FAM107B: variants seen among roughly 807,000 people sequenced by gnomAD.
The protein encoded by FAM107B is protein FAM107B.
In FAM107B, 21 loss-of-function variants were observed where a neutral mutation model predicts 31.5. That is an observed-to-expected ratio of 0.67 (90% CI 0.47 to 0.96). The LOEUF is 0.96. FAM107B is among the 40% of genes least tolerant of loss of function. The pLI, the probability that FAM107B is intolerant of heterozygous loss-of-function variation, is 0.00. For synonymous variants in FAM107B, 157 were observed against 141.5 expected (o/e 1.11, Z -0.78); for missense variants, 452 against 377.1 (o/e 1.20, Z -1.64).
intron 1 of FAM107B, among the ~76,000 whole-genome samples, chr10:14,708,537 T>C (rs576873651): frequency 7.2e-5 from 11 of 152,196 alleles, no homozygotes; most frequent in East Asian, 3.9e-4. Flanking sequence ...TTGAGACCAG[T>C]GGTAAAGTGA....
intron 2 of FAM107B, among the ~76,000 whole-genome samples, chr10:14,535,743 G>A (rs1358112293): frequency 2.6e-5 from 4 of 152,194 alleles, no homozygotes; most frequent in Non-Finnish European, 5.9e-5. Context: ...TTTTCAAGCT[G>A]TTGAGTAATA....
chr10:14,705,253 A>G (rs1408358937), intron 1 of FAM107B, among the ~76,000 whole-genome samples: 1 of 152,206 alleles, frequency 6.6e-6, no homozygotes. Flanking sequence ...GAACCCTTGT[A>G]CACTGCTGGG....
At chr10:14,725,856 T>C (rs927075834) in intron 1 of FAM107B, among the ~76,000 whole-genome samples, 34 of 137,072 alleles carry the variant, frequency 2.5e-4, no homozygotes, top group Non-Finnish European at 5.0e-4. Context: ...AATGGAGTCT[T>C]GCTCTGTTGC....
intron 1 of FAM107B, among the ~76,000 whole-genome samples, chr10:14,710,732 T>G (rs546519232): frequency 6.6e-6 from 1 of 152,168 alleles, no homozygotes; most frequent in East Asian, 1.9e-4. Context: ...AAAAATAAAT[T>G]TTTTTAAAAA....
At chr10:14,619,125 G>A (rs1238776136) in intron 2 of FAM107B, among the ~76,000 whole-genome samples, 1 of 152,178 alleles carries the variant, frequency 6.6e-6, no homozygotes, top group East Asian at 1.9e-4. Flanking sequence ...AGCACCGCCT[G>A]TAGATCCCTT....
rs10651238 is a variant in FAM107B, at chr10:14,772,362, A to AAAATATATATAT, written c.411+1890_411+1891insATATATATATTT. Among the ~76,000 whole-genome samples the AAAATATATATAT allele has an allele frequency of 5.9e-3, 862 of 145,548 alleles. 9 individuals are homozygous for AAAATATATATAT. Among genetic ancestry groups the AAAATATATATAT allele is most frequent in the African/African-American group, 0.021 (805 of 38,280 alleles). On this transcript the variant is annotated intron_variant, in intron 1 of 4. Coordinates refer to ENST00000181796, the MANE Select transcript of FAM107B (RefSeq NM_031453.4). ...GAGCAAGACTCCATCTTAAAAAAAA[A>AAAATATATATAT]ATATATATATATATATATGCACCTC...
At chr10:14,584,965 CTT>C (rs1588634583) in intron 2 of FAM107B, among the ~76,000 whole-genome samples, 1 of 152,316 alleles carries the variant, frequency 6.6e-6, no homozygotes, top group East Asian at 1.9e-4. Context: ...CAGGGTGTAA[CTT>C]TGTAACTTCG....
intron 1 of FAM107B, among the ~76,000 whole-genome samples, chr10:14,689,871 G>A (rs1461586713): frequency 2.6e-5 from 4 of 152,090 alleles, no homozygotes; most frequent in Admixed American, 6.5e-5. Context: ...GCTGAGGCAG[G>A]AGGATTACTT....
chr10:14,735,120 A>G (rs1439653750), intron 1 of FAM107B, among the ~76,000 whole-genome samples: 2 of 152,198 alleles, frequency 1.3e-5, no homozygotes, highest in Non-Finnish European at 2.9e-5. Flanking sequence ...TGTCCATTCC[A>G]GCGGATAAAA....
intron 2 of FAM107B, among the ~76,000 whole-genome samples, chr10:14,605,715 C>T (rs917077333): frequency 9.9e-5 from 15 of 152,196 alleles, no homozygotes; most frequent in African/African-American, 3.4e-4. Flanking sequence ...ATTCCATGAA[C>T]TTTATACATG....
chr10:14,522,414 A>ATT (rs57308938), intron 3 of FAM107B, among the ~76,000 whole-genome samples: 20 of 141,606 alleles, frequency 1.4e-4, no homozygotes, highest in Admixed American at 2.1e-4. Context: ...CTAGCCCCTG[A>ATT]TTTTTTTTTT....
chr10:14,669,338 C>T (rs564855762), intron 1 of FAM107B, among the ~76,000 whole-genome samples: 236 of 137,790 alleles, frequency 1.7e-3, no homozygotes, highest in African/African-American at 5.3e-3. Context: ...CCACTGTACT[C>T]CAGCCTGGGC....
At chr10:14,536,470 C>T (rs1847619144) in intron 2 of FAM107B, among the ~76,000 whole-genome samples, 1 of 152,174 alleles carries the variant, frequency 6.6e-6, no homozygotes, top group Non-Finnish European at 1.5e-5. Flanking sequence ...AAACTCCAGG[C>T]CGGGTCAGCC....
intron 2 of FAM107B, among the ~76,000 whole-genome samples, chr10:14,631,109 T>C (rs80253111): frequency 0.12 from 17,681 of 152,210 alleles, 1,297 homozygotes; most frequent in Admixed American, 0.26. Flanking sequence ...AACCTTTCTA[T>C]TGGGATAAAC....
chr10:14,652,354 A>G (rs536540495), intron 2 of FAM107B, among the ~76,000 whole-genome samples: 2 of 152,330 alleles, frequency 1.3e-5, no homozygotes, highest in African/African-American at 4.8e-5. Context: ...ATACAAAATC[A>G]ACCCTCTCAC....
intron 2 of FAM107B, among the ~76,000 whole-genome samples, chr10:14,582,287 A>C (rs926164314): frequency 6.6e-6 from 1 of 152,148 alleles, no homozygotes; most frequent in African/African-American, 2.4e-5. Flanking sequence ...CTGGGAGATA[A>C]ATAATGGTCT....
intron 2 of FAM107B, chr10:14,571,762 C>T (rs1413286144): frequency 1.0e-6 from 1 of 985,028 alleles, no homozygotes; most frequent in Non-Finnish European, 1.2e-6. Context: ...TTTATTCTTA[C>T]CTCAGATATC....
At chr10:14,672,128 T>C (rs957074526) in intron 1 of FAM107B, among the ~76,000 whole-genome samples, 1 of 151,748 alleles carries the variant, frequency 6.6e-6, no homozygotes, top group Non-Finnish European at 1.5e-5. Context: ...GGCAAAGTCT[T>C]GCTCTGTTGC....
intron 3 of FAM107B, among the ~76,000 whole-genome samples, chr10:14,528,195 T>G (rs2130825016): frequency 6.8e-6 from 1 of 148,014 alleles, no homozygotes; most frequent in South Asian, 2.1e-4. Context: ...TTTTTTTTTT[T>G]TTTAGAGACA....
Sources: gnomAD v4.1 joint callset for allele counts (sites outside exome capture counted in the v4.1 genomes callset) on GRCh38, gnomAD v4.1.1 for gene constraint, MANE v1.5 for transcripts, NCBI Gene and HGNC (gene_info 2026-07-23, HGNC 2026-07-21) for gene names.